The following MTCL1 variants were observed in gnomAD, a reference collection of about 807,000 sequenced individuals.
MTCL1 encodes microtubule cross-linking factor 1.
MTCL1 carries 79 observed loss-of-function variants against 141.4 expected under a neutral mutation model. The observed-to-expected ratio is 0.56, with a 90% CI of 0.47 to 0.67. The LOEUF (loss-of-function observed/expected upper bound fraction) is 0.67, where lower values mean the gene tolerates loss of function less well. MTCL1 is among the 30% of genes least tolerant of loss of function. MTCL1 has a pLI of 0.00. For missense variants in MTCL1, 2,177 were observed against 2,113.9 expected (o/e 1.03, Z -0.59); for synonymous variants, 914 against 875.8 (o/e 1.04, Z -0.77).
intron 4 of MTCL1, among the ~76,000 whole-genome samples, chr18:8,776,690 C>T (rs1417634003): frequency 6.6e-6 from 1 of 152,006 alleles, no homozygotes; most frequent in African/African-American, 2.4e-5. Context: ...TTCCTTCACA[C>T]CACTTTTTAT....
exon 6 of MTCL1, chr18:8,784,357 G>T (rs750177438): frequency 1.3e-6 from 2 of 1,536,386 alleles, no homozygotes; most frequent in Admixed American, 2.0e-5. Context: ...TTGGCGGGGA[G>T]AGTGACTCGG....
At chr18:8,706,609 A>G in exon 1 of MTCL1, 1 of 1,532,838 alleles carries the variant, frequency 6.5e-7, no homozygotes, top group Non-Finnish European at 8.8e-7. Context: ...CGGGACCCCC[A>G]AGGAGCCCAG....
At chr18:8,786,149 T>G in intron 7 of MTCL1, 58 bp downstream of exon 6, 4 of 1,333,656 alleles carry the variant, frequency 3.0e-6, no homozygotes, top group Non-Finnish European at 4.0e-6. Context: ...TCTGTGTGGC[T>G]GGCTGTGTGA....
intron 1 of MTCL1, among the ~76,000 whole-genome samples, chr18:8,711,120 A>T (rs1361520098): frequency 2.0e-5 from 3 of 151,126 alleles, no homozygotes; most frequent in Non-Finnish European, 4.4e-5. Flanking sequence ...ATTCCCACCT[A>T]TGAGTGAGAA....
chr18:8,711,859 A>C (rs2096094581), intron 1 of MTCL1, among the ~76,000 whole-genome samples: 2 of 152,248 alleles, frequency 1.3e-5, no homozygotes, highest in South Asian at 2.1e-4. Flanking sequence ...GCACTTTCTT[A>C]ATGCTGAGGA....
intron 10 of MTCL1, among the ~76,000 whole-genome samples, chr18:8,803,328 T>C (rs2076185169): frequency 6.6e-6 from 1 of 152,178 alleles, no homozygotes; most frequent in Non-Finnish European, 1.5e-5. Context: ...CTCCAAGCCA[T>C]AGTTCCTCCT....
exon 17 of MTCL1, chr18:8,831,675 C>T: frequency 6.4e-7 from 1 of 1,550,592 alleles, no homozygotes; most frequent in Non-Finnish European, 8.7e-7. Flanking sequence ...GACCAGCAAA[C>T]CGTCGCCCTC....
intron 4 of MTCL1, among the ~76,000 whole-genome samples, chr18:8,729,760 G>A (rs970215108): frequency 4.6e-5 from 6 of 129,586 alleles, no homozygotes; most frequent in Admixed American, 8.2e-5. Context: ...CTCTTACTCC[G>A]TAGCTTGTCT....
intron 1 of MTCL1, among the ~76,000 whole-genome samples, chr18:8,710,078 G>A (rs576715520): frequency 2.6e-4 from 39 of 152,310 alleles, no homozygotes; most frequent in African/African-American, 8.7e-4. Context: ...GACTTCAGGT[G>A]ATCTGCCCGC....
At chr18:8,718,672 A>C in intron 3 of MTCL1, 24 bp downstream of exon 2, 1 of 1,608,358 alleles carries the variant, frequency 6.2e-7, no homozygotes, top group Non-Finnish European at 8.5e-7. Context: ...TGGTGCGTGC[A>C]CCTCGCAAGG....
chr18:8,777,564 T>A (rs1024415331), intron 4 of MTCL1, among the ~76,000 whole-genome samples: 3 of 152,248 alleles, frequency 2.0e-5, no homozygotes, highest in African/African-American at 7.2e-5. Context: ...TTCATTAAAC[T>A]GAACACTTAA....
chr18:8,718,070 G>C lies in MTCL1; in HGVS notation c.-28+108G>C, dbSNP rs79425057. ...CTTAGTACCTAGATTATGCCTTAGA[G>C]ATAAAGGCTTAGGTCAATGTTTGGT... is the stretch of plus-strand genomic sequence containing the variant. On this transcript the variant is annotated intron_variant, in intron 2 of 16. Transcript: ENST00000359865. 1,110 of 754,006 alleles carry C rather than the reference G, an allele frequency of 1.5e-3. 11 individuals are homozygous for C. The African/African-American group carries it at 0.018, about 13-fold the overall frequency. 46.7% of individuals were successfully genotyped at this position (754,006 alleles called of 1,614,324 possible). A position where few individuals can be genotyped will look rare whatever the true frequency, so the allele number is the denominator to read the frequency against.
chr18:8,788,391 C>T (rs1464363078), intron 7 of MTCL1, among the ~76,000 whole-genome samples: 2 of 152,170 alleles, frequency 1.3e-5, no homozygotes, highest in Non-Finnish European at 1.5e-5. Context: ...CTAGTATCAG[C>T]GACATCAAAG....
chr18:8,793,758 C>G (rs529157756), intron 8 of MTCL1, among the ~76,000 whole-genome samples: 1 of 152,174 alleles, frequency 6.6e-6, no homozygotes, highest in Non-Finnish European at 1.5e-5. Context: ...CTGCTCTTCC[C>G]CCGTGTATTT....
chr18:8,756,491 A>G (rs892337746), intron 4 of MTCL1, among the ~76,000 whole-genome samples: 13 of 142,472 alleles, frequency 9.1e-5, no homozygotes, highest in African/African-American at 2.1e-4. Flanking sequence ...GTGTGTATAT[A>G]TGTATATATG....
At chr18:8,745,898 C>G (rs2096334371) in intron 4 of MTCL1, among the ~76,000 whole-genome samples, 1 of 152,150 alleles carries the variant, frequency 6.6e-6, no homozygotes, top group Non-Finnish European at 1.5e-5. Context: ...TCCATTCTTC[C>G]CTCCTCCCAG....
At chr18:8,747,857 C>T (rs1263526667) in intron 4 of MTCL1, among the ~76,000 whole-genome samples, 1 of 152,150 alleles carries the variant, frequency 6.6e-6, no homozygotes, top group African/African-American at 2.4e-5. Flanking sequence ...TGTGTTTTTC[C>T]TGAGTGGCTC....
chr18:8,740,776 C>G (rs1216426466), intron 4 of MTCL1, among the ~76,000 whole-genome samples: 2 of 152,208 alleles, frequency 1.3e-5, no homozygotes, highest in African/African-American at 4.8e-5. Context: ...AGCCACCGCA[C>G]CCGGCTGAAA....
intron 4 of MTCL1, among the ~76,000 whole-genome samples, chr18:8,758,983 T>C (rs139082770): frequency 6.6e-6 from 1 of 152,156 alleles, no homozygotes; most frequent in East Asian, 1.9e-4. Flanking sequence ...CAGTCCAAGG[T>C]AGTGACAGTA....
Sources: gnomAD v4.1 joint callset for allele counts (sites outside exome capture counted in the v4.1 genomes callset) on GRCh38, gnomAD v4.1.1 for gene constraint, MANE v1.5 for transcripts, NCBI Gene and HGNC (gene_info 2026-07-23, HGNC 2026-07-21) for gene names.